TBC1D30: variants seen among roughly 807,000 people sequenced by gnomAD.
The protein encoded by TBC1D30 is TBC1 domain family, member 30.
A neutral mutation model predicts 63.2 loss-of-function variants in TBC1D30; 31 were observed. The ratio of observed to expected loss-of-function variants is 0.49; its 90% CI spans 0.37 to 0.66. The LOEUF is 0.66. TBC1D30 is among the 30% of genes least tolerant of loss of function. The probability of loss-of-function intolerance (pLI) is 0.00; values close to 1 mark genes in which losing one functional copy is unlikely to be tolerated. For synonymous variants in TBC1D30, 307 were observed against 361.5 expected, an observed-to-expected ratio of 0.85 and a Z score of 1.71; for missense variants, 810 against 953.6, an observed-to-expected ratio of 0.85 and a Z score of 1.98.
chr12:64,871,145 A>C (rs9668764), intron 11 of TBC1D30, among the ~76,000 whole-genome samples: 2,195 of 151,698 alleles, frequency 0.014, 41 homozygotes, highest in African/African-American at 0.05. Context: ...TTGGAGCATA[A>C]ATTTTATGCA....
upstream of TBC1D30, chr12:64,779,211 A>G (rs1328894966): frequency 6.6e-6 from 1 of 152,106 alleles, no homozygotes; most frequent in Non-Finnish European, 1.5e-5. Context: ...AAATAGGTCC[A>G]ATTTCAGTGT....
chr12:64,844,446 C>T (rs993438348), intron 8 of TBC1D30, among the ~76,000 whole-genome samples: 1 of 152,178 alleles, frequency 6.6e-6, no homozygotes, highest in Non-Finnish European at 1.5e-5. Flanking sequence ...CACTTTGATA[C>T]AGGCATGCAA....
At chr12:64,855,883 G>A (rs1360442232) in intron 8 of TBC1D30, among the ~76,000 whole-genome samples, 1 of 152,192 alleles carries the variant, frequency 6.6e-6, no homozygotes, top group Admixed American at 6.5e-5. Flanking sequence ...GGACATTGAA[G>A]AGTTAGGTAT....
chr12:64,801,018 G>A (rs1162443440), intron 2 of TBC1D30, among the ~76,000 whole-genome samples: 6 of 152,134 alleles, frequency 3.9e-5, no homozygotes, highest in Admixed American at 3.9e-4. Context: ...TCCTCGTACA[G>A]AGCTGCTTCT....
At chr12:64,775,438 T>A (rs1394008218) in intron 1 of TBC1D30, among the ~76,000 whole-genome samples, 2 of 151,884 alleles carry the variant, frequency 1.3e-5, no homozygotes, top group African/African-American at 4.8e-5. Context: ...GGAGGAAAAT[T>A]TACAAAGCAA....
intron 1 of TBC1D30, among the ~76,000 whole-genome samples, chr12:64,784,841 T>C (rs574351187): frequency 6.8e-6 from 1 of 147,802 alleles, no homozygotes; most frequent in East Asian, 2.0e-4. Flanking sequence ...ACTCTGCACA[T>C]GTATCCTGGA....
chr12:64,765,268 C>G (rs1018274366), intron 1 of TBC1D30, among the ~76,000 whole-genome samples: 1 of 150,612 alleles, frequency 6.6e-6, no homozygotes, highest in Admixed American at 6.6e-5. Context: ...CGAGGCGGAT[C>G]ATGAGGTCAG....
intron 2 of TBC1D30, among the ~76,000 whole-genome samples, chr12:64,813,698 G>A (rs1019769615): frequency 5.3e-5 from 8 of 152,152 alleles, no homozygotes; most frequent in African/African-American, 1.7e-4. Context: ...TTTTTAATAC[G>A]TGGTGTAAAT....
chr12:64,854,689 G>T (rs981235662), intron 8 of TBC1D30, among the ~76,000 whole-genome samples: 8 of 151,998 alleles, frequency 5.3e-5, no homozygotes, highest in African/African-American at 1.7e-4. Flanking sequence ...TAGAGACAGG[G>T]TTTCACCGTG....
chr12:64,804,207 C>T (rs1410889533), intron 2 of TBC1D30, among the ~76,000 whole-genome samples: 1 of 152,218 alleles, frequency 6.6e-6, no homozygotes. Context: ...AGGTCCTTCA[C>T]ATCCTTTGTA....
intron 1 of TBC1D30, among the ~76,000 whole-genome samples, chr12:64,765,035 C>T (rs1352500919): frequency 2.0e-5 from 3 of 152,166 alleles, no homozygotes; most frequent in Non-Finnish European, 4.4e-5. Flanking sequence ...AAGTACTGTG[C>T]ACCCACAGAA....
intron 1 of TBC1D30, among the ~76,000 whole-genome samples, chr12:64,774,673 T>G (rs868380525): frequency 1.3e-5 from 2 of 152,082 alleles, no homozygotes; most frequent in Non-Finnish European, 1.5e-5. Flanking sequence ...CAACCCAGAA[T>G]TTCATATCTG....
chr12:64,816,686 C>T (rs887848775), intron 2 of TBC1D30, among the ~76,000 whole-genome samples: 7 of 152,222 alleles, frequency 4.6e-5, no homozygotes, highest in East Asian at 1.9e-4. Context: ...AAGCAGAGGA[C>T]ATTTATGATC....
At chr12:64,770,744 G>A (rs1274865281) in intron 1 of TBC1D30, among the ~76,000 whole-genome samples, 4 of 147,100 alleles carry the variant, frequency 2.7e-5, no homozygotes, top group East Asian at 4.0e-4. Context: ...TTGCTCTGTC[G>A]CCAGGCTGGA....
At position 64,781,091 on chromosome 12, in the gene TBC1D30, G is replaced by A. The variant is rs1871253733; in HGVS notation, c.283G>A (p.Glu95Lys). 13 of 1,005,444 alleles carry A rather than the reference G, an allele frequency of 1.3e-5. 1 individual carries two copies. Among genetic ancestry groups the A allele is most frequent in the Middle Eastern group, 9.8e-4 (2 of 2,032 alleles). The allele number at this position is 1,005,444 out of a possible 1,614,324, so 62.3% of individuals were successfully genotyped here. The stretch of plus-strand genomic sequence containing the variant: ...CAACGAGCTGTACAGCTGCACAGAG[G>A]AGGAGGAGGCGGCGGGCGGGGGCCG... Residue 95 changes from glutamate (E) to lysine (K), a missense_variant, in exon 1 of 13, where the codon GAG becomes AAG. Physicochemically the swap from Glu to Lys is moderately conservative, Grantham distance 56. Transcript: ENST00000542120.
At chr12:64,783,680 A>G (rs1161707881) in intron 1 of TBC1D30, among the ~76,000 whole-genome samples, 2 of 151,652 alleles carry the variant, frequency 1.3e-5, no homozygotes, top group African/African-American at 4.9e-5. Flanking sequence ...ATTTTCCCAT[A>G]TTGAACAATA....
chr12:64,865,464 G>A (rs1215364321), intron 9 of TBC1D30, among the ~76,000 whole-genome samples: 1 of 151,886 alleles, frequency 6.6e-6, no homozygotes. Context: ...ACCTCTATAA[G>A]TAGACTCAAA....
intron 10 of TBC1D30, among the ~76,000 whole-genome samples, chr12:64,868,898 A>G (rs1298987701): frequency 1.3e-5 from 2 of 152,132 alleles, no homozygotes; most frequent in Admixed American, 1.3e-4. Flanking sequence ...TATTCTATTA[A>G]TTTACCTCTA....
chr12:64,855,205 G>A (rs1466681200), intron 8 of TBC1D30, among the ~76,000 whole-genome samples: 1 of 152,014 alleles, frequency 6.6e-6, no homozygotes, highest in Non-Finnish European at 1.5e-5. Context: ...ACATATTGGA[G>A]CTCCATTGTA....
Sources: gnomAD v4.1 joint callset for allele counts (sites outside exome capture counted in the v4.1 genomes callset) on GRCh38, gnomAD v4.1.1 for gene constraint, MANE v1.5 for transcripts, NCBI Gene and HGNC (gene_info 2026-07-23, HGNC 2026-07-21) for gene names.